Variants in ZNF311 observed in about 807,000 individuals in gnomAD.
ZNF311 encodes zinc finger protein 311.
A neutral mutation model predicts 22.7 loss-of-function variants in ZNF311; 14 were observed. The ratio of observed to expected loss-of-function variants is 0.62; its 90% CI spans 0.41 to 0.96. The LOEUF (loss-of-function observed/expected upper bound fraction) is 0.96, where lower values mean the gene tolerates loss of function less well. Ranked by LOEUF, ZNF311 falls within the 40% of genes least tolerant of loss-of-function variation. The probability of loss-of-function intolerance (pLI) is 0.00; values close to 1 mark genes in which losing one functional copy is unlikely to be tolerated. For missense variants in ZNF311, 731 were observed against 799.0 expected, an observed-to-expected ratio of 0.91 and a Z score of 1.03; for synonymous variants, 250 against 275.3, an observed-to-expected ratio of 0.91 and a Z score of 0.91.
chr6:29,003,053 T>C (rs537107473), intron 3 of ZNF311, among the ~76,000 whole-genome samples: 2 of 152,360 alleles, frequency 1.3e-5, no homozygotes, highest in South Asian at 2.1e-4. Context: ...GAGATATCTA[T>C]ACATCATTTA....
At chr6:29,003,267 G>A (rs1780701058) in intron 3 of ZNF311, among the ~76,000 whole-genome samples, 2 of 152,064 alleles carry the variant, frequency 1.3e-5, no homozygotes, top group African/African-American at 4.8e-5. Context: ...GATTCTTTCT[G>A]ATAAATTGCT....
In ZNF311 at chr6:29,003,603, A is replaced by T; in HGVS notation, c.10-9T>A. 6.2e-7 allele frequency: 1 copy of T among 1,613,058 alleles called. No individual in the cohort carries two copies. Among genetic ancestry groups the T allele is most frequent in the Non-Finnish European group, 8.5e-7 (1 of 1,180,000 alleles). ...TCATCCAACAGCACAACCTATTGCA[A>T]GACACAGAATGAATTCAGGAAAGTT... is the stretch of plus-strand genomic sequence containing the variant. On this transcript the variant is annotated splice_polypyrimidine_tract_variant and intron_variant, in intron 2 of 6. Coordinates refer to ENST00000377179, the MANE Select transcript of ZNF311 (RefSeq NM_001382360.1).
In ZNF311 at chr6:28,996,026, TG is replaced by T; in HGVS notation, c.975del (p.His325GlnfsTer82). ...RSALCRHKKT[H>X]SGEKPHECRD... ...CTGCACTCGTGAGGCTTCTCCCCAC[TG>T]TGGGTTTTTTTATGTCGGCAAAGAG... On this transcript the variant is annotated frameshift_variant, in exon 7 of 7. Transcript: ENST00000377179. LOFTEE classifies it low-confidence loss of function (END_TRUNC). 1 of 1,613,558 alleles carries T rather than the reference TG, an allele frequency of 6.2e-7. No individual in the cohort carries two copies. Among genetic ancestry groups the T allele is most frequent in the Non-Finnish European group, 8.5e-7 (1 of 1,180,032 alleles).
rs1158690730 is a variant in ZNF311, at chr6:28,995,311, A to C, written c.1691T>G (p.Phe564Cys). 5.6e-6 allele frequency: 9 copies of C among 1,613,990 alleles called. No individual in the cohort carries two copies. The highest frequency in any genetic ancestry group is 7.6e-6 in the Non-Finnish European group (9 of 1,180,040). ...CTGCCTCAGGACTGAACTATGATGG[A>C]AGGCCATTCCACATACCTCACATTT... Reference protein sequence around the residue: ...PHKCEVCGMAFHHSSVLRQHK... With the variant: ...PHKCEVCGMACHHSSVLRQHK... Residue 564 changes from phenylalanine to cysteine, a missense_variant, in exon 7 of 7, where the codon TTC becomes TGC. Transcript: ENST00000377179. This position sits in a 1 kb window ranked among gnomAD's most constrained non-coding sequence, Gnocchi z 4.7.
At chr6:28,999,447 A>G (rs770852401) in intron 5 of ZNF311, 40 bp downstream of exon 5, 1 of 1,528,240 alleles carries the variant, frequency 6.5e-7, no homozygotes, top group East Asian at 2.3e-5. Context: ...AATAATAAAA[A>G]AAGAAGGTAG....
In ZNF311 at chr6:29,003,549, A is replaced by G; in HGVS notation, c.55T>C (p.Trp19Arg). The G allele has an allele frequency of 6.2e-7, 1 of 1,613,014 alleles. No individual in the cohort carries two copies. Among genetic ancestry groups the G allele is most frequent in the Non-Finnish European group, 8.5e-7 (1 of 1,180,018 alleles). ...GGGAGCTGGGTATCCTGGCGGGTCC[A>G]AAGCAGCTGGCTTGGTGGTCCTGAA... ...ESSGPPSQLL[W>R]TRQDTQLPQE... Residue 19 changes from tryptophan (W) to arginine (R), a missense_variant, in exon 3 of 7, where the codon TGG becomes CGG. Trp to Arg is a moderately radical substitution (Grantham distance 101). Transcript: ENST00000377179.
chr6:28,998,741 G>A lies in ZNF311; in HGVS notation c.408C>T (p.Ser136=). 1 of 1,610,188 alleles carries A rather than the reference G, an allele frequency of 6.2e-7. No individual in the cohort carries two copies. Among genetic ancestry groups the A allele is most frequent in the Non-Finnish European group, 8.5e-7 (1 of 1,178,358 alleles). The part of the protein sequence containing the change: ...DPQDRESLSC[S]YPVSADKMWP... ...AGTTTCTCTATTACTCACCTGGGTA[G>A]GAGCAGCTTAGGGACTCCCTGTCCT... The change falls in exon 6 of 7, where the codon TCC becomes TCT. Residue 136 remains serine, a synonymous_variant. Transcript: ENST00000377179.
At chr6:28,999,848 G>T in intron 4 of ZNF311, 108 bp downstream of exon 4, 2 of 1,303,694 alleles carry the variant, frequency 1.5e-6, no homozygotes. Flanking sequence ...TTATGAGAGG[G>T]AGAACATTGA....
chr6:29,004,326 A>C (rs2150734391), intron 1 of ZNF311, 112 bp from the exon 2 acceptor site: 1 of 615,128 alleles, frequency 1.6e-6, no homozygotes, highest in East Asian at 6.1e-5. Flanking sequence ...CCAGAATACA[A>C]TCTCAACGGC....
At position 28,995,952 on chromosome 6, in the gene ZNF311, C is replaced by G. The variant is rs1342849220; in HGVS notation, c.1050G>C (p.Gln350His). 6.2e-7 allele frequency: 1 copy of G among 1,613,634 alleles called. No individual in the cohort carries two copies. The highest frequency in any genetic ancestry group is 1.3e-5 in the African/African-American group (1 of 74,990). ...FKTRNRLCMH[Q>H]LIHTGEKPYK... Reference sequence around the variant, plus strand: ...AAGGCTTCTCCCCGGTGTGGATAAGCTGATGCATACAGAGACGGTTCCTGG... The same window carrying G: ...AAGGCTTCTCCCCGGTGTGGATAAGGTGATGCATACAGAGACGGTTCCTGG... Residue 350 changes from glutamine to histidine, a missense_variant, in exon 7 of 7, where the codon CAG (glutamine) becomes CAC (histidine). Coordinates refer to ENST00000377179, the MANE Select transcript of ZNF311 (RefSeq NM_001382360.1). This position sits in a 1 kb window ranked among gnomAD's most constrained non-coding sequence, Gnocchi z 4.7.
rs1395802164 is a variant in ZNF311 at position 28,996,409 on chromosome 6, G to C, written c.593C>G (p.Ser198Cys). The change falls in exon 7 of 7, where the codon TCT (serine) becomes TGT (cysteine). Residue 198 changes from serine to cysteine, a missense_variant. Coordinates refer to ENST00000377179, the MANE Select transcript of ZNF311 (RefSeq NM_001382360.1). ...DVKLENQWET[S>C]IREKLREEKE... is the part of the protein sequence containing the mutation. Reference sequence around the variant, plus strand: ...CTCTTCTCTCAGTTTCTCCCTTATAGATGTTTCCCATTGATTCTCTAATTT... The same window carrying C: ...CTCTTCTCTCAGTTTCTCCCTTATACATGTTTCCCATTGATTCTCTAATTT... 6.2e-7 allele frequency: 1 copy of C among 1,610,798 alleles called. No homozygotes were observed. Among genetic ancestry groups the C allele is most frequent in the South Asian group, 1.1e-5 (1 of 91,080 alleles).
intron 4 of ZNF311, 105 bp from the exon 5 acceptor site, chr6:28,999,718 G>A: frequency 2.1e-6 from 3 of 1,460,476 alleles, no homozygotes; most frequent in Non-Finnish European, 2.7e-6. Flanking sequence ...AGAAGTGAAA[G>A]GCTCTTCCCT....
chr6:28,999,524 A>T lies in ZNF311; in HGVS notation c.273T>A (p.Asp91Glu). The change falls in exon 5 of 7, where the codon GAT becomes GAA. Residue 91 changes from aspartate (D) to glutamate (E), a missense_variant. Coordinates refer to ENST00000377179, the MANE Select transcript of ZNF311 (RefSeq NM_001382360.1). ...TGTTCCCATAATTTTCCAACATCAC[A>T]TCCTTATAGAGATGCCTTTGAGCGT... The part of the protein sequence containing the change: ...LTYAQRHLYK[D>E]VMLENYGNMV... 1.2e-6 allele frequency: 2 copies of T among 1,613,214 alleles called. No individual in the cohort carries two copies. Among genetic ancestry groups the T allele is most frequent in the Non-Finnish European group, 1.7e-6 (2 of 1,179,846 alleles).
chr6:28,998,797 G>A lies in ZNF311; in HGVS notation c.352C>T (p.Arg118Ter), dbSNP rs149098069. The A allele has an allele frequency of 1.7e-5, 27 of 1,612,822 alleles. No individual in the cohort carries two copies. Among genetic ancestry groups the A allele is most frequent in the Middle Eastern group, 3.3e-4 (2 of 6,078 alleles). ...TCCTGCACACAGGGGTCTACTTCTC[G>A]CTCCAGATGAGAGATTAAAGGAGGT... is the stretch of plus-strand genomic sequence containing the variant. ...PKPPLISHLEREVDPCVQDPQ... is the reference protein window; with the variant it reads ...PKPPLISHLE The change falls in exon 6 of 7, where the codon CGA (arginine) becomes TGA (stop). Residue 118 changes from arginine to a stop codon, truncating the protein, a stop_gained. Transcript: ENST00000377179. LOFTEE classifies it high-confidence loss of function.
In ZNF311 at chr6:28,998,784, G is replaced by T; in HGVS notation, c.365C>A (p.Pro122His). The T allele has an allele frequency of 6.2e-7, 1 of 1,612,974 alleles. No individual in the cohort carries two copies. The highest frequency in any genetic ancestry group is 8.5e-7 in the Non-Finnish European group (1 of 1,180,002). ...CCTGTCCTGTGGATCCTGCACACAG[G>T]GGTCTACTTCTCGCTCCAGATGAGA... is the stretch of plus-strand genomic sequence containing the variant. ...LISHLEREVD[P>H]CVQDPQDRES... The change falls in exon 6 of 7, where the codon CCC becomes CAC. Residue 122 changes from proline to histidine, a missense_variant. Transcript: ENST00000377179.
At position 28,994,966 on chromosome 6, in the gene ZNF311, A is replaced by G. The variant is rs1416768522; in HGVS notation, c.*35T>C. The G allele has an allele frequency of 1.9e-6, 3 of 1,543,568 alleles. No individual in the cohort carries two copies. Among genetic ancestry groups the G allele is most frequent in the Non-Finnish European group, 2.6e-6 (3 of 1,149,478 alleles). ...AGACAGAAGGACCAGCCTAAGAGGTAGGAAAAACAGAAAGTAACACCAGAA... is the reference window on the plus strand; with the variant it reads ...AGACAGAAGGACCAGCCTAAGAGGTGGGAAAAACAGAAAGTAACACCAGAA... On this transcript the variant is annotated 3_prime_UTR_variant, in exon 7 of 7. Coordinates refer to ENST00000377179, the MANE Select transcript of ZNF311 (RefSeq NM_001382360.1).
At chr6:28,999,191 G>A (rs556025383) in intron 5 of ZNF311, among the ~76,000 whole-genome samples, 29 of 151,446 alleles carry the variant, frequency 1.9e-4, no homozygotes, top group East Asian at 5.8e-4. Context: ...GACTAGGAGC[G>A]GAATATAGAA....
At chr6:29,001,252 A>G (rs925106341) in intron 3 of ZNF311, among the ~76,000 whole-genome samples, 26 of 152,240 alleles carry the variant, frequency 1.7e-4, no homozygotes, top group Admixed American at 2.0e-4. Context: ...GCAGGGTCAA[A>G]GTAATCTATT....
intron 3 of ZNF311, among the ~76,000 whole-genome samples, chr6:29,002,638 T>TTTA (rs1236104892): frequency 2.0e-5 from 3 of 151,498 alleles, no homozygotes; most frequent in Non-Finnish European, 4.4e-5. Context: ...TTTTTTTTTT[T>TTTA]TAGACAGAGT....
Sources: gnomAD v4.1 joint callset for allele counts (sites outside exome capture counted in the v4.1 genomes callset) on GRCh38, gnomAD v4.1.1 for gene constraint, Gnocchi (gnomAD v3.1) non-coding constraint, MANE v1.5 for transcripts, NCBI Gene and HGNC (gene_info 2026-07-23, HGNC 2026-07-21) for gene names.